The following KCNB2 variants were observed in gnomAD, a reference collection of about 807,000 sequenced individuals.
KCNB2 encodes delayed rectifier potassium channel protein.
KCNB2 carries 15 observed loss-of-function variants against 61.5 expected under a neutral mutation model. The observed-to-expected ratio is 0.24, with a 90% CI of 0.16 to 0.38. The LOEUF is 0.38. Among genes scored for constraint, KCNB2 ranks in the 10% least tolerant of loss-of-function variants. The probability of loss-of-function intolerance (pLI) is 1.00; values close to 1 mark genes in which losing one functional copy is unlikely to be tolerated. For missense variants in KCNB2, 828 were observed against 1,125.2 expected (o/e 0.74, Z 3.78); for synonymous variants, 457 against 446.0 (o/e 1.02, Z -0.31).
At position 72,642,777 on chromosome 8, in the gene KCNB2, T is replaced by G. The variant is rs144023184; in HGVS notation, c.579+74464T>G. On this transcript the variant is annotated intron_variant, in intron 2 of 2. Coordinates refer to ENST00000523207, the MANE Select transcript of KCNB2 (RefSeq NM_004770.3). ...TGCTGCTTCTGCAATCTTCAGAGCTTCTTTGTTCGGAGCAAAATTTCTTGC... is the reference window on the plus strand; with the variant it reads ...TGCTGCTTCTGCAATCTTCAGAGCTGCTTTGTTCGGAGCAAAATTTCTTGC... Among the ~76,000 whole-genome samples the G allele has an allele frequency of 9.2e-5, 14 of 152,316 alleles. No homozygotes were observed. In the East Asian group the frequency reaches 2.5e-3, roughly 27 times the overall value.
chr8:72,873,968 G>A (rs910394254), intron 2 of KCNB2, among the ~76,000 whole-genome samples: 1 of 152,240 alleles, frequency 6.6e-6, no homozygotes, highest in Non-Finnish European at 1.5e-5. Context: ...TCTGATAGCA[G>A]ATAGAGTGTC....
intron 2 of KCNB2, among the ~76,000 whole-genome samples, chr8:72,774,626 G>A (rs931134363): frequency 4.6e-5 from 7 of 152,090 alleles, no homozygotes; most frequent in African/African-American, 1.7e-4. Flanking sequence ...TGGGATTACA[G>A]GCATGAACCA....
intron 2 of KCNB2, among the ~76,000 whole-genome samples, chr8:72,722,433 C>T (rs1368719079): frequency 8.5e-5 from 13 of 152,236 alleles, no homozygotes; most frequent in Admixed American, 8.5e-4. Flanking sequence ...GGCCTTCCCT[C>T]CTTCCCTGGG....
chr8:72,829,039 T>G (rs977211033), intron 2 of KCNB2, among the ~76,000 whole-genome samples: 17 of 152,324 alleles, frequency 1.1e-4, no homozygotes, highest in Admixed American at 1.1e-3. Flanking sequence ...CGTGATTCAT[T>G]GTAATTTCAT....
chr8:72,703,657 G>A (rs977296183), intron 2 of KCNB2, among the ~76,000 whole-genome samples: 1 of 152,146 alleles, frequency 6.6e-6, no homozygotes, highest in African/African-American at 2.4e-5. Flanking sequence ...CTGTGCCAAG[G>A]TCAGGGTAGG....
chr8:72,568,124 G>A lies in KCNB2; in HGVS notation c.390G>A (p.Glu130=). The A allele has an allele frequency of 6.2e-7, 1 of 1,614,078 alleles. No homozygotes were observed. The highest frequency in any genetic ancestry group is 8.5e-7 in the Non-Finnish European group (1 of 1,180,030). The stretch of plus-strand genomic sequence containing the variant: ...AACTTGATTACTGGGGGATTGATGA[G>A]ATCTACTTGGAGTCCTGCTGCCAGG... The part of the protein sequence containing the change: ...GQELDYWGID[E]IYLESCCQAR... Residue 130 remains glutamate, a synonymous_variant, in exon 2 of 3, where the codon GAG becomes GAA. Transcript: ENST00000523207.
At position 72,938,053 on chromosome 8, in the gene KCNB2, G is replaced by A. The variant is rs757669458; in HGVS notation, c.2698G>A (p.Asp900Asn). Residue 900 changes from aspartate to asparagine, a missense_variant, in exon 3 of 3, where the codon GAC becomes AAC. Physicochemically the swap from Asp to Asn is conservative, Grantham distance 23. This residue lies in a region of KCNB2 where 559 missense variants were observed against 588.4 expected (regional missense o/e 0.95). Coordinates refer to ENST00000523207, the MANE Select transcript of KCNB2 (RefSeq NM_004770.3). The part of the protein sequence containing the change: ...FAPEIHSNPG[D>N]TGYCPTRETS... ...CCCAGAAATTCATTCCAACCCAGGAGACACAGGTTATTGTCCCACACGTGA... is the reference window on the plus strand; with the variant it reads ...CCCAGAAATTCATTCCAACCCAGGAAACACAGGTTATTGTCCCACACGTGA... 6.2e-7 allele frequency: 1 copy of A among 1,613,668 alleles called. No individual in the cohort carries two copies. Among genetic ancestry groups the A allele is most frequent in the Non-Finnish European group, 8.5e-7 (1 of 1,179,770 alleles).
At chr8:72,561,910 A>T (rs929756510) in intron 1 of KCNB2, among the ~76,000 whole-genome samples, 1 of 150,400 alleles carries the variant, frequency 6.6e-6, no homozygotes, top group Admixed American at 6.7e-5. Context: ...ATATACATTG[A>T]TTTAATCTTC....
chr8:72,557,118 A>G (rs1318156110), intron 1 of KCNB2, among the ~76,000 whole-genome samples: 1 of 152,154 alleles, frequency 6.6e-6, no homozygotes. Context: ...GCAGGATTTC[A>G]ACATAGGAAT....
chr8:72,788,625 CATGA>C (rs1289091438), intron 2 of KCNB2, among the ~76,000 whole-genome samples: 1 of 152,002 alleles, frequency 6.6e-6, no homozygotes, highest in Non-Finnish European at 1.5e-5. Flanking sequence ...AATGACCCGT[CATGA>C]AGGATGAACT....
At chr8:72,741,421 A>C (rs191241770) in intron 2 of KCNB2, among the ~76,000 whole-genome samples, 32 of 152,104 alleles carry the variant, frequency 2.1e-4, no homozygotes, top group African/African-American at 6.3e-4. Flanking sequence ...TTCTTTTCTT[A>C]TTATTATTAT....
rs138656223 is a variant in KCNB2, at chr8:72,927,799, C to G, written c.580-8136C>G. Among the ~76,000 whole-genome samples, 7 of 152,316 alleles carry G rather than the reference C, an allele frequency of 4.6e-5. No homozygotes were observed. In the East Asian group the frequency reaches 1.2e-3, roughly 25 times the overall value. ...TCACAAACCCCTATGTGTCATGCCT[C>G]TTTATGGATGCCCCCAGCCACACAA... is the stretch of plus-strand genomic sequence containing the variant. On this transcript the variant is annotated intron_variant, in intron 2 of 2. Coordinates refer to ENST00000523207, the MANE Select transcript of KCNB2 (RefSeq NM_004770.3).
At chr8:72,727,358 C>T (rs544362962) in intron 2 of KCNB2, among the ~76,000 whole-genome samples, 25 of 152,270 alleles carry the variant, frequency 1.6e-4, no homozygotes, top group African/African-American at 4.3e-4. Flanking sequence ...ATCTTCCCTT[C>T]GCTATTGTAG....
chr8:72,833,322 G>T (rs1030984), intron 2 of KCNB2, among the ~76,000 whole-genome samples: 1 of 151,916 alleles, frequency 6.6e-6, no homozygotes. Context: ...TGGGAGTAGG[G>T]AAAGGTAAGA....
rs1246082158 is a variant in KCNB2 at position 72,537,870 on chromosome 8, G to A, written c.-109G>A. On this transcript the variant is annotated 5_prime_UTR_variant, in exon 1 of 3. Transcript: ENST00000523207. ...CGAGCCCGTGCCGCCTGCTGAGCGG[G>A]GTCTGTGGGAGCTAGGTAAGTGGCG... The A allele has an allele frequency of 2.6e-5, 4 of 152,348 alleles. No individual in the cohort carries two copies. The highest frequency in any genetic ancestry group is 7.2e-5 in the African/African-American group (3 of 41,464). 9.4% of individuals were successfully genotyped at this position (152,348 alleles called of 1,614,324 possible). A position where few individuals can be genotyped will look rare whatever the true frequency, so the allele number is the denominator to read the frequency against.
At chr8:72,693,707 A>C (rs2128990346) in intron 2 of KCNB2, among the ~76,000 whole-genome samples, 1 of 152,292 alleles carries the variant, frequency 6.6e-6, no homozygotes, top group East Asian at 1.9e-4. Flanking sequence ...ATAGTCACAG[A>C]GTTGTAGTTT....
At chr8:72,554,121 G>A (rs904468687) in intron 1 of KCNB2, among the ~76,000 whole-genome samples, 6 of 152,054 alleles carry the variant, frequency 3.9e-5, no homozygotes, top group African/African-American at 1.4e-4. Flanking sequence ...ACATATTCAA[G>A]TCCATAATGT....
chr8:72,780,770 T>C (rs1808740108), intron 2 of KCNB2, among the ~76,000 whole-genome samples: 1 of 152,186 alleles, frequency 6.6e-6, no homozygotes, highest in South Asian at 2.1e-4. Context: ...ATGATATTTC[T>C]GGTTCTAGGT....
At chr8:72,835,786 A>G (rs1241268274) in intron 2 of KCNB2, among the ~76,000 whole-genome samples, 1 of 152,186 alleles carries the variant, frequency 6.6e-6, no homozygotes, top group Non-Finnish European at 1.5e-5. Flanking sequence ...ATTCACTTAT[A>G]GAAAATATTC....
Sources: allele counts gnomAD v4.1 joint callset (sites outside exome capture counted in the v4.1 genomes callset), GRCh38; gene constraint gnomAD v4.1.1; regional missense constraint gnomAD v4.1.1; transcripts MANE v1.5; gene names NCBI Gene and HGNC (gene_info 2026-07-23, HGNC 2026-07-21).